DIS3L2: variants seen among roughly 807,000 people sequenced by gnomAD.
The protein encoded by DIS3L2 is DIS3 like 3'-5' exoribonuclease 2, also known as DIS3-like exonuclease 2.
A neutral mutation model predicts 97.5 loss-of-function variants in DIS3L2; 34 were observed. That is an observed-to-expected ratio of 0.35 (90% CI 0.27 to 0.46). DIS3L2 has a LOEUF of 0.46. DIS3L2 is among the 20% of genes least tolerant of loss of function. The probability of loss-of-function intolerance (pLI) is 1.00; values close to 1 mark genes in which losing one functional copy is unlikely to be tolerated. For synonymous variants in DIS3L2, 435 were observed against 445.2 expected (o/e 0.98, Z 0.29); for missense variants, 1,038 against 1,146.0 (o/e 0.91, Z 1.36).
intron 14 of DIS3L2, among the ~76,000 whole-genome samples, chr2:232,324,500 GC>G (rs1345274389): frequency 5.3e-5 from 8 of 152,066 alleles, no homozygotes; most frequent in African/African-American, 1.9e-4. Flanking sequence ...CACTGGTCCT[GC>G]CCCTCTGCCC....
intron 12 of DIS3L2, among the ~76,000 whole-genome samples, chr2:232,250,348 TA>T (rs34546272): frequency 0.012 from 1,817 of 149,000 alleles, 17 homozygotes; most frequent in Non-Finnish European, 0.018. Context: ...TTTTTTTTTT[TA>T]AAGACATAAA....
intron 9 of DIS3L2, among the ~76,000 whole-genome samples, chr2:232,174,994 A>G (rs1447370452): frequency 6.6e-6 from 1 of 151,902 alleles, no homozygotes; most frequent in Non-Finnish European, 1.5e-5. Flanking sequence ...AAACCCAGCT[A>G]ATTTTTGTAT....
intron 14 of DIS3L2, among the ~76,000 whole-genome samples, chr2:232,328,125 T>C (rs1695627653): frequency 1.3e-5 from 2 of 152,274 alleles, no homozygotes; most frequent in African/African-American, 4.8e-5. Context: ...TCACAGGCCG[T>C]TACTGCCACC....
chr2:232,287,126 C>G (rs977855884), intron 13 of DIS3L2, among the ~76,000 whole-genome samples: 1 of 152,096 alleles, frequency 6.6e-6, no homozygotes, highest in Non-Finnish European at 1.5e-5. Flanking sequence ...CTGTCTGTCC[C>G]CTGAGTTCTA....
intron 10 of DIS3L2, among the ~76,000 whole-genome samples, chr2:232,217,429 G>A (rs1418633641): frequency 6.6e-6 from 1 of 152,232 alleles, no homozygotes; most frequent in East Asian, 1.9e-4. Flanking sequence ...GCATATGCCA[G>A]CAGGTTGTCC....
chr2:232,257,147 C>CTT (rs1693587508), intron 12 of DIS3L2, among the ~76,000 whole-genome samples: 1 of 152,184 alleles, frequency 6.6e-6, no homozygotes, highest in Non-Finnish European at 1.5e-5. Flanking sequence ...ATATTCATGC[C>CTT]TTAATCTTAC....
At chr2:231,969,236 TATG>T (rs1574772198) in intron 1 of DIS3L2, among the ~76,000 whole-genome samples, 3 of 151,910 alleles carry the variant, frequency 2.0e-5, no homozygotes, top group African/African-American at 7.2e-5. Context: ...TATATAGAAA[TATG>T]ATTGATTTTT....
chr2:232,247,527 G>A (rs1044646157), intron 11 of DIS3L2, among the ~76,000 whole-genome samples: 2 of 148,778 alleles, frequency 1.3e-5, no homozygotes, highest in African/African-American at 5.0e-5. Context: ...GCACCACCCC[G>A]TGTCCTCATT....
chr2:232,054,445 C>T (rs1322463466), intron 5 of DIS3L2, among the ~76,000 whole-genome samples: 1 of 152,098 alleles, frequency 6.6e-6, no homozygotes, highest in Non-Finnish European at 1.5e-5. Context: ...AATGCAAAAG[C>T]CAGAAGTGAT....
In DIS3L2 at chr2:232,015,494, T is replaced by C. The variant is rs1445522295; in HGVS notation, c.53-20T>C. The C allele has an allele frequency of 6.2e-7, 1 of 1,608,882 alleles. No homozygotes were observed. Among genetic ancestry groups the C allele is most frequent in the Non-Finnish European group, 8.5e-7 (1 of 1,177,448 alleles). On this transcript the variant is annotated intron_variant, in intron 2 of 20. Coordinates refer to ENST00000325385, the MANE Select transcript of DIS3L2 (RefSeq NM_152383.5). The stretch of plus-strand genomic sequence containing the variant: ...CACAGATGTTTGAGGAAAGAGTTGA[T>C]TGCTGCCTCCTGTTTCTAGGTGTGT...
chr2:232,004,339 C>G lies in DIS3L2; in HGVS notation c.-93-10496C>G, dbSNP rs896828833. ...CGACCCGCCTTGACCCCACAAAGTG[C>G]TGGGATTAACAGATGTGACCCACCA... On this transcript the variant is annotated intron_variant, in intron 1 of 20. Transcript: ENST00000325385. 3.3e-5 allele frequency among the ~76,000 whole-genome samples: 5 copies of G among 152,300 alleles called. No homozygotes were observed. The East Asian group carries it at 9.6e-4, about 29-fold the overall frequency.
intron 10 of DIS3L2, among the ~76,000 whole-genome samples, chr2:232,228,022 C>T (rs1318901825): frequency 1.3e-5 from 2 of 152,046 alleles, no homozygotes; most frequent in East Asian, 1.9e-4. Flanking sequence ...GGTTGGAGTG[C>T]GATGGTGCTA....
intron 12 of DIS3L2, among the ~76,000 whole-genome samples, chr2:232,251,273 G>C (rs1693411269): frequency 6.6e-6 from 1 of 152,038 alleles, no homozygotes; most frequent in Non-Finnish European, 1.5e-5. Context: ...TATATCTTTA[G>C]GGAATTTTTT....
At chr2:232,118,339 C>A (rs1483819698) in intron 6 of DIS3L2, among the ~76,000 whole-genome samples, 1 of 152,120 alleles carries the variant, frequency 6.6e-6, no homozygotes, top group Non-Finnish European at 1.5e-5. Context: ...TATTGGGGAC[C>A]ATAGTAGAGT....
At chr2:232,018,951 G>A (rs1694434994) in intron 3 of DIS3L2, among the ~76,000 whole-genome samples, 1 of 152,154 alleles carries the variant, frequency 6.6e-6, no homozygotes, top group African/African-American at 2.4e-5. Context: ...AGTACTGAGA[G>A]GTTGTTATAG....
chr2:232,290,703 G>C (rs1437216529), intron 13 of DIS3L2, among the ~76,000 whole-genome samples: 1 of 152,188 alleles, frequency 6.6e-6, no homozygotes, highest in East Asian at 1.9e-4. Context: ...CAAGCCTCTG[G>C]AACAAGGTGC....
Position 232,334,745 on chromosome 2 carries a change from C to T in DIS3L2, c.2394+10C>T, listed in dbSNP as rs776202407. 40 of 1,594,782 alleles carry T rather than the reference C, an allele frequency of 2.5e-5. No homozygotes were observed. In the East Asian group the frequency reaches 8.7e-4, roughly 35 times the overall value. On this transcript the variant is annotated intron_variant, in intron 19 of 20. Transcript: ENST00000325385. ...GCGCATCTACTGCAACGTGAGTGCC[C>T]TGGGAGAGCCCGGGGGCGGGCAGGG... is the stretch of plus-strand genomic sequence containing the variant.
intron 14 of DIS3L2, among the ~76,000 whole-genome samples, chr2:232,304,846 GA>G (rs1379668751): frequency 6.6e-6 from 1 of 152,016 alleles, no homozygotes; most frequent in Non-Finnish European, 1.5e-5. Context: ...TTCTCATTTA[GA>G]AATTTTTATC....
chr2:232,159,171 G>T (rs897089947), intron 8 of DIS3L2, among the ~76,000 whole-genome samples: 1 of 152,198 alleles, frequency 6.6e-6, no homozygotes, highest in Non-Finnish European at 1.5e-5. Context: ...CTGAGCAAAA[G>T]ACTTGAATGA....
Sources: gnomAD v4.1 joint callset for allele counts (sites outside exome capture counted in the v4.1 genomes callset) on GRCh38, gnomAD v4.1.1 for gene constraint, MANE v1.5 for transcripts, NCBI Gene and HGNC (gene_info 2026-07-23, HGNC 2026-07-21) for gene names.